Variants in ARID1B observed in about 807,000 individuals in gnomAD.
ARID1B encodes the protein AT-rich interaction domain 1B.
In ARID1B, 30 loss-of-function variants were observed where a neutral mutation model predicts 212.3. The ratio of observed to expected loss-of-function variants is 0.14; its 90% CI spans 0.11 to 0.19. ARID1B has a LOEUF of 0.19. ARID1B is among the 10% of genes least tolerant of loss of function. The pLI is 1.00. For missense variants in ARID1B, 2,891 were observed against 3,204.0 expected, an observed-to-expected ratio of 0.90 and a Z score of 2.36; for synonymous variants, 1,402 against 1,301.7, an observed-to-expected ratio of 1.08 and a Z score of -1.66.
At chr6:156,911,970 G>A (rs953776017) in intron 3 of ARID1B, among the ~76,000 whole-genome samples, 2 of 152,180 alleles carry the variant, frequency 1.3e-5, no homozygotes, top group African/African-American at 4.8e-5. Flanking sequence ...GTCTGGAAAT[G>A]TTATAAATTT....
intron 4 of ARID1B, among the ~76,000 whole-genome samples, chr6:157,043,307 C>T (rs1239226875): frequency 2.6e-5 from 4 of 152,138 alleles, no homozygotes; most frequent in Admixed American, 6.5e-5. Flanking sequence ...TGCTTTCCCT[C>T]CAGGCTCCAT....
intron 2 of ARID1B, among the ~76,000 whole-genome samples, chr6:156,845,743 G>C (rs186762800): frequency 6.6e-6 from 1 of 152,120 alleles, no homozygotes; most frequent in East Asian, 1.9e-4. Flanking sequence ...TAAACTTGGT[G>C]CTATTTTTTT....
At chr6:156,876,873 T>G (rs1470144969) in intron 2 of ARID1B, among the ~76,000 whole-genome samples, 2 of 152,278 alleles carry the variant, frequency 1.3e-5, no homozygotes, top group South Asian at 4.2e-4. Flanking sequence ...CCTTTGGAAT[T>G]AAATATTAAT....
At chr6:156,926,723 C>G (rs1245452442) in intron 3 of ARID1B, among the ~76,000 whole-genome samples, 2 of 152,168 alleles carry the variant, frequency 1.3e-5, no homozygotes, top group African/African-American at 2.4e-5. Context: ...CTCTCTGTTG[C>G]CCAGGCTCGG....
intron 2 of ARID1B, among the ~76,000 whole-genome samples, chr6:156,869,214 T>C (rs1397882662): frequency 6.6e-6 from 1 of 152,202 alleles, no homozygotes; most frequent in African/African-American, 2.4e-5. Context: ...AATTTTCAGA[T>C]TTAATACTTT....
At chr6:157,162,853 T>A (rs1471028653) in intron 8 of ARID1B, among the ~76,000 whole-genome samples, 1 of 152,096 alleles carries the variant, frequency 6.6e-6, no homozygotes, top group Non-Finnish European at 1.5e-5. Flanking sequence ...AATGTTTGTC[T>A]CCTTACCCCC....
At chr6:156,899,312 C>T (rs1179139191) in intron 2 of ARID1B, among the ~76,000 whole-genome samples, 2 of 152,094 alleles carry the variant, frequency 1.3e-5, no homozygotes, top group African/African-American at 2.4e-5. Context: ...TTGAGCAATC[C>T]GTCCCATCAT....
Position 156,778,228 on chromosome 6 carries a change from T to A in ARID1B, c.548T>A (p.Leu183His), listed in dbSNP as rs1402879118. Residue 183 changes from leucine (L) to histidine (H), a missense_variant, in exon 1 of 20, where the codon CTC becomes CAC. By Grantham distance (99) the Leu-to-His change is moderately conservative. This residue lies in a region of ARID1B where 1,643 missense variants were observed against 1,544.0 expected (regional missense o/e 1.06). Coordinates refer to ENST00000636930, the MANE Select transcript of ARID1B (RefSeq NM_001374828.1). Reference sequence around the variant, plus strand: ...CACCACCACCACCATGCCCACCACCTCCACCACCACCACGCACTACAGCAG... The same window carrying A: ...CACCACCACCACCATGCCCACCACCACCACCACCACCACGCACTACAGCAG... ...AHHHHHHAHH[L>H]HHHHALQQQL... is the part of the protein sequence containing the mutation. The A allele has an allele frequency of 2.0e-6, 3 of 1,531,026 alleles. No homozygotes were observed. Among genetic ancestry groups the A allele is most frequent in the Non-Finnish European group, 2.6e-6 (3 of 1,140,832 alleles). 94.8% of individuals were successfully genotyped at this position (1,531,026 alleles called of 1,614,324 possible).
intron 4 of ARID1B, among the ~76,000 whole-genome samples, chr6:157,016,059 A>G (rs1295085373): frequency 6.6e-6 from 1 of 152,212 alleles, no homozygotes; most frequent in Non-Finnish European, 1.5e-5. Flanking sequence ...ACATTTGCCT[A>G]GTTTAAGTAC....
At chr6:157,159,911 CTT>C (rs1435653213) in intron 8 of ARID1B, among the ~76,000 whole-genome samples, 1 of 152,236 alleles carries the variant, frequency 6.6e-6, no homozygotes, top group Non-Finnish European at 1.5e-5. Context: ...TAGAAGTTCT[CTT>C]TCATAAAGCT....
chr6:157,203,783 T>A lies in ARID1B; in HGVS notation c.5264-83T>A. The A allele has an allele frequency of 6.5e-7, 1 of 1,531,042 alleles. No homozygotes were observed. 94.8% of individuals were successfully genotyped at this position (1,531,042 alleles called of 1,614,324 possible). ...AATATTTAACTTAACACTCCACTTA[T>A]TTTTTCTTACTCTTTCGTTAACTTT... On this transcript the variant is annotated intron_variant, in intron 18 of 19. Coordinates refer to ENST00000636930, the MANE Select transcript of ARID1B (RefSeq NM_001374828.1). The surrounding 1 kb of genome is among the most constrained non-coding windows in gnomAD (Gnocchi z 4.4).
intron 4 of ARID1B, chr6:157,022,602 T>A (rs1780388617): frequency 6.6e-6 from 1 of 152,238 alleles, no homozygotes; most frequent in South Asian, 2.1e-4. Context: ...CACATGAAAC[T>A]ATAGTAGATT....
At chr6:157,083,372 G>A (rs1048077427) in intron 4 of ARID1B, among the ~76,000 whole-genome samples, 34 of 152,176 alleles carry the variant, frequency 2.2e-4, no homozygotes, top group African/African-American at 7.5e-4. Context: ...ACATTGCTCG[G>A]TCAGTGATCT....
At chr6:157,014,372 A>T (rs1176689594) in intron 4 of ARID1B, among the ~76,000 whole-genome samples, 1 of 152,192 alleles carries the variant, frequency 6.6e-6, no homozygotes, top group Non-Finnish European at 1.5e-5. Context: ...TTTTAATGAA[A>T]TCCGCTTCCT....
intron 4 of ARID1B, among the ~76,000 whole-genome samples, chr6:156,970,134 G>A (rs1237758683): frequency 1.3e-5 from 2 of 152,048 alleles, no homozygotes; most frequent in African/African-American, 2.4e-5. Context: ...GGCTGGAAGT[G>A]CAATGGCATG....
Position 156,778,383 on chromosome 6 carries a change from C to G in ARID1B, c.703C>G (p.Pro235Ala), listed in dbSNP as rs528280784. 53 of 1,534,788 alleles carry G rather than the reference C, an allele frequency of 3.5e-5. 1 individual carries two copies. In the South Asian group the frequency reaches 6.1e-4, roughly 18 times the overall value. ...GGGCGGCGGCGCGCCTCAGCCCGGC[C>G]CCGACATGGAGCAGCCGCAACATGG... ...GAGGGAPQPGPDMEQPQHGGA... is the reference protein window; with the variant it reads ...GAGGGAPQPGADMEQPQHGGA... The change falls in exon 1 of 20, where the codon CCC becomes GCC. Residue 235 changes from proline to alanine, a missense_variant. By Grantham distance (27) the Pro-to-Ala change is conservative. Around this residue, in one of 7 missense-constraint regions of ARID1B, gnomAD observed 1,643 missense variants for 1,544.0 expected, o/e 1.06. Transcript: ENST00000636930.
intron 4 of ARID1B, among the ~76,000 whole-genome samples, chr6:157,075,656 T>C (rs1784255799): frequency 6.6e-6 from 1 of 152,248 alleles, no homozygotes; most frequent in Non-Finnish European, 1.5e-5. Context: ...TGATCAAGGC[T>C]AACATCACCA....
chr6:156,999,196 G>T (rs899480430), intron 4 of ARID1B, among the ~76,000 whole-genome samples: 1 of 152,196 alleles, frequency 6.6e-6, no homozygotes, highest in Non-Finnish European at 1.5e-5. Flanking sequence ...GGAATTTACT[G>T]TAATGGTCAG....
At chr6:156,961,105 A>AAT (rs1283164727) in intron 4 of ARID1B, among the ~76,000 whole-genome samples, 1 of 152,146 alleles carries the variant, frequency 6.6e-6, no homozygotes, top group Non-Finnish European at 1.5e-5. Context: ...CTCTAACCCA[A>AAT]ATCCCTGAGC....
Sources: allele counts gnomAD v4.1 joint callset (sites outside exome capture counted in the v4.1 genomes callset), GRCh38; gene constraint gnomAD v4.1.1; regional missense constraint gnomAD v4.1.1; non-coding constraint Gnocchi (gnomAD v3.1); transcripts MANE v1.5; gene names NCBI Gene and HGNC (gene_info 2026-07-23, HGNC 2026-07-21).